Variants in ACP3 observed in about 807,000 individuals in gnomAD.
The protein encoded by ACP3 is prostatic acid phosphatase.
A neutral mutation model predicts 45.6 loss-of-function variants in ACP3; 38 were observed. That is an observed-to-expected ratio of 0.83 (90% CI 0.64 to 1.09). The LOEUF (loss-of-function observed/expected upper bound fraction) is 1.09. Ranked by LOEUF, ACP3 falls within the 50% of genes least tolerant of loss-of-function variation. ACP3 has a pLI of 0.00. For missense variants in ACP3, 466 were observed against 463.2 expected (o/e 1.01, Z -0.05); for synonymous variants, 162 against 164.7 (o/e 0.98, Z 0.13).
chr3:132,340,353 T>C (rs911154567), intron 5 of ACP3, among the ~76,000 whole-genome samples: 9 of 151,166 alleles, frequency 6.0e-5, no homozygotes, highest in African/African-American at 1.9e-4. Flanking sequence ...TATTTCACAA[T>C]ATCATAGATA....
intron 9 of ACP3, among the ~76,000 whole-genome samples, chr3:132,354,098 G>A (rs181795873): frequency 6.6e-6 from 1 of 152,146 alleles, no homozygotes; most frequent in Admixed American, 6.5e-5. Context: ...GGAATGAAAC[G>A]ACTAGAGACA....
rs751215762 is a variant in ACP3 at position 132,342,626 on chromosome 3, C to T, written c.630C>T (p.Tyr210=). The T allele has an allele frequency of 2.1e-5, 34 of 1,605,410 alleles. No homozygotes were observed. The highest frequency in any genetic ancestry group is 2.5e-5 in the Non-Finnish European group (30 of 1,176,708). ...QDLFGIWSKV[Y]DPLYCESVHN... ...TTTTTGGAATTTGGAGTAAAGTCTA[C>T]GACCCTTTATATTGTGAGGTAAAAG... Residue 210 remains tyrosine (Y), a synonymous_variant, in exon 6 of 10, where the codon TAC becomes TAT. Coordinates refer to ENST00000336375, the MANE Select transcript of ACP3 (RefSeq NM_001099.5).
At chr3:132,332,477 T>C (rs142717565) in intron 4 of ACP3, 133 bp downstream of exon 4, 44 of 1,080,560 alleles carry the variant, frequency 4.1e-5, no homozygotes, top group Non-Finnish European at 5.5e-5. Flanking sequence ...TAAATAAAGA[T>C]ACAAAGGACA....
At chr3:132,341,907 C>G (rs1559836209) in intron 5 of ACP3, among the ~76,000 whole-genome samples, 1 of 152,212 alleles carries the variant, frequency 6.6e-6, no homozygotes, top group Non-Finnish European at 1.5e-5. Context: ...CCAATTTCAG[C>G]AGTCAGATAG....
chr3:132,338,719 C>G (rs1937521045), intron 5 of ACP3, among the ~76,000 whole-genome samples: 1 of 152,174 alleles, frequency 6.6e-6, no homozygotes, highest in Non-Finnish European at 1.5e-5. Context: ...CTAGAAGCAT[C>G]CATCTCCTCT....
Position 132,345,198 on chromosome 3 carries a change from T to C in ACP3, c.781+139T>C, listed in dbSNP as rs559837390. On this transcript the variant is annotated intron_variant, in intron 7 of 9. Transcript: ENST00000336375. ...TTGCACCAGCTTCCATTCTGCAAAA[T>C]GGGGATATTAATGATACCTACTTCA... is the stretch of plus-strand genomic sequence containing the variant. 19 of 739,632 alleles carry C rather than the reference T, an allele frequency of 2.6e-5. No homozygotes were observed. In the South Asian group the frequency reaches 3.6e-4, roughly 14 times the overall value. 45.8% of individuals were successfully genotyped at this position (739,632 alleles called of 1,614,324 possible).
chr3:132,352,360 G>GTTT (rs1420570297), intron 8 of ACP3, among the ~76,000 whole-genome samples: 1 of 93,070 alleles, frequency 1.1e-5, no homozygotes, highest in South Asian at 3.7e-4. Flanking sequence ...ACCACACCCA[G>GTTT]CTTTTTTTTT....
At position 132,317,559 on chromosome 3, in the gene ACP3, T is replaced by C. The variant is rs538359178; in HGVS notation, c.103T>C (p.Leu35=). The change falls in exon 1 of 10, where the codon TTG becomes CTG. Residue 35 remains leucine, a synonymous_variant. Coordinates refer to ENST00000336375, the MANE Select transcript of ACP3 (RefSeq NM_001099.5). ...AGACCGAAGTGTACTAGCCAAGGAG[T>C]TGAAGTTTGTGACTTTGGTAAGTAG... is the stretch of plus-strand genomic sequence containing the variant. ...WLDRSVLAKE[L]KFVTLVFRHG... 1.9e-6 allele frequency: 3 copies of C among 1,611,680 alleles called. No homozygotes were observed. The highest frequency in any genetic ancestry group is 2.7e-5 in the African/African-American group (2 of 74,924).
At chr3:132,332,000 C>T (rs1450152072) in intron 3 of ACP3, among the ~76,000 whole-genome samples, 192 bp from the exon 4 acceptor site, 2 of 152,156 alleles carry the variant, frequency 1.3e-5, no homozygotes, top group African/African-American at 4.8e-5. Flanking sequence ...AACTATTGGC[C>T]AACCAGGTTG....
chr3:132,342,992 A>C (rs1359826812), intron 6 of ACP3, among the ~76,000 whole-genome samples: 1 of 152,186 alleles, frequency 6.6e-6, no homozygotes, highest in East Asian at 1.9e-4. Context: ...TAATGAAAAA[A>C]CAATGTTGTT....
chr3:132,345,681 T>G (rs190110137), intron 7 of ACP3, among the ~76,000 whole-genome samples: 1 of 152,374 alleles, frequency 6.6e-6, no homozygotes, highest in African/African-American at 2.4e-5. Flanking sequence ...TGAGATTTAT[T>G]TATCAGTGAT....
chr3:132,328,880 C>T lies in ACP3; in HGVS notation c.216+518C>T, dbSNP rs538473651. 4.6e-5 allele frequency among the ~76,000 whole-genome samples: 7 copies of T among 152,270 alleles called. No individual in the cohort carries two copies. The South Asian group carries it at 1.5e-3, about 32-fold the overall frequency. ...CAGGATTTGAATTTCTTAGGCTTCA[C>T]ATGAGAAAGTGAAAAATAGTCTTGT... On this transcript the variant is annotated intron_variant, in intron 2 of 9. Coordinates refer to ENST00000336375, the MANE Select transcript of ACP3 (RefSeq NM_001099.5).
rs77702139 is a variant in ACP3 at position 132,340,315 on chromosome 3, CAA to C, written c.556-2222_556-2221del. On this transcript the variant is annotated intron_variant, in intron 5 of 9. Coordinates refer to ENST00000336375, the MANE Select transcript of ACP3 (RefSeq NM_001099.5). ...GGGCAACAAGAACGAAATTCCGTCT[CAA>C]AAAAAAAAAAAAAAGACCAAATATA... is the stretch of plus-strand genomic sequence containing the variant. Among the ~76,000 whole-genome samples the C allele has an allele frequency of 3.5e-4, 27 of 77,418 alleles. 1 individual carries two copies. Among genetic ancestry groups the C allele is most frequent in the Admixed American group, 7.8e-4 (6 of 7,660 alleles). The allele number at this position is 77,418 out of a possible 152,430, so 50.8% of individuals were successfully genotyped here. A position where few individuals can be genotyped will look rare whatever the true frequency, so the allele number is the denominator to read the frequency against.
chr3:132,346,520 T>C (rs1175454702), intron 7 of ACP3, among the ~76,000 whole-genome samples: 1 of 151,292 alleles, frequency 6.6e-6, no homozygotes, highest in East Asian at 1.9e-4. Context: ...GAAGGGAGAG[T>C]CTCCAGAGAG....
rs1451315146 is a variant in ACP3, at chr3:132,358,543, G to A, written c.*1665G>A. 2.7e-5 allele frequency: 32 copies of A among 1,169,194 alleles called. No homozygotes were observed. Among genetic ancestry groups the A allele is most frequent in the Non-Finnish European group, 3.5e-5 (32 of 915,900 alleles). 72.4% of individuals were successfully genotyped at this position (1,169,194 alleles called of 1,614,324 possible). ...GGATAAAGATGAGATGGTTTCTAGA[G>A]ATGGTTTCTACTGGCTGCCAGAATC... On this transcript the variant is annotated 3_prime_UTR_variant, in exon 10 of 10. Coordinates refer to ENST00000336375, the MANE Select transcript of ACP3 (RefSeq NM_001099.5).
chr3:132,359,379 G>A (rs569642726), downstream of ACP3, among the ~76,000 whole-genome samples: 13 of 152,212 alleles, frequency 8.5e-5, no homozygotes, highest in South Asian at 2.1e-3. Flanking sequence ...ATGGTGGCGG[G>A]CACCTGTAGT....
At chr3:132,334,469 G>C (rs1477675911) in intron 4 of ACP3, among the ~76,000 whole-genome samples, 10 of 152,206 alleles carry the variant, frequency 6.6e-5, no homozygotes, top group African/African-American at 2.4e-4. Flanking sequence ...GAAATGTGTA[G>C]AAGACATTAT....
At chr3:132,330,588 C>A (rs923611328) in intron 2 of ACP3, among the ~76,000 whole-genome samples, 1 of 152,132 alleles carries the variant, frequency 6.6e-6, no homozygotes, top group Admixed American at 6.5e-5. Context: ...ACCTAAAGTA[C>A]CTGCTTCTCC....
chr3:132,342,530 T>C, intron 5 of ACP3, 22 bp from the exon 6 acceptor site: 3 of 1,544,748 alleles, frequency 1.9e-6, no homozygotes, highest in Non-Finnish European at 2.7e-6. Context: ...TAGGAATTTT[T>C]CTTTCTCTGT....
Sources: allele counts gnomAD v4.1 joint callset (sites outside exome capture counted in the v4.1 genomes callset), GRCh38; gene constraint gnomAD v4.1.1; transcripts MANE v1.5; gene names NCBI Gene and HGNC (gene_info 2026-07-23, HGNC 2026-07-21).